Variants in FRMD5 observed in about 807,000 individuals in gnomAD.
FRMD5 encodes FERM domain containing 5.
In FRMD5, 20 loss-of-function variants were observed where a neutral mutation model predicts 69.0. The observed-to-expected ratio is 0.29, with a 90% CI of 0.20 to 0.42. FRMD5 has a LOEUF of 0.42. FRMD5 is among the 10% of genes least tolerant of loss of function. The pLI is 1.00. For synonymous variants in FRMD5, 271 were observed against 260.1 expected (o/e 1.04, Z -0.40); for missense variants, 595 against 708.6 (o/e 0.84, Z 1.82).
intron 1 of FRMD5, among the ~76,000 whole-genome samples, chr15:44,093,485 G>A (rs910919657): frequency 6.6e-6 from 1 of 152,034 alleles, no homozygotes; most frequent in African/African-American, 2.4e-5. Context: ...GTCAGGTGAA[G>A]AAGGGTAGAA....
intron 1 of FRMD5, among the ~76,000 whole-genome samples, chr15:44,176,885 G>A (rs2077905607): frequency 6.6e-6 from 1 of 151,136 alleles, no homozygotes; most frequent in African/African-American, 2.4e-5. Context: ...GTATACATAG[G>A]TAACTAACCT....
chr15:44,005,006 C>T (rs753942272), intron 1 of FRMD5, among the ~76,000 whole-genome samples: 14 of 152,302 alleles, frequency 9.2e-5, no homozygotes, highest in Admixed American at 2.0e-4. Flanking sequence ...TAGAAGATCA[C>T]ACAAGACACA....
At chr15:44,176,709 A>G (rs1230376265) in intron 1 of FRMD5, among the ~76,000 whole-genome samples, 1 of 152,168 alleles carries the variant, frequency 6.6e-6, no homozygotes, top group Non-Finnish European at 1.5e-5. Flanking sequence ...CAATTTTTAA[A>G]TGGCCAAAGA....
chr15:43,935,981 T>C (rs1364005817), intron 1 of FRMD5, among the ~76,000 whole-genome samples: 1 of 152,204 alleles, frequency 6.6e-6, no homozygotes, highest in African/African-American at 2.4e-5. Context: ...TAGACATACC[T>C]GAAAAAGTGA....
At chr15:44,077,804 T>G (rs576528805) in intron 1 of FRMD5, among the ~76,000 whole-genome samples, 93 of 152,156 alleles carry the variant, frequency 6.1e-4, no homozygotes, top group Admixed American at 1.8e-3. Context: ...AAAAAACAAT[T>G]ATCAAACATC....
intron 1 of FRMD5, among the ~76,000 whole-genome samples, chr15:44,091,404 C>T (rs2140484022): frequency 6.6e-6 from 1 of 152,194 alleles, no homozygotes; most frequent in African/African-American, 2.4e-5. Flanking sequence ...TTTCTTCAAC[C>T]AGGTTAATAA....
intron 1 of FRMD5, among the ~76,000 whole-genome samples, chr15:44,028,938 T>C (rs10518994): frequency 0.82 from 125,292 of 152,184 alleles, 54,447 homozygotes; most frequent in Non-Finnish European, 0.95. Context: ...TGTAAAGACA[T>C]TGACAAAGAA....
intron 1 of FRMD5, among the ~76,000 whole-genome samples, chr15:44,186,470 T>C (rs1351427946): frequency 6.6e-6 from 1 of 152,076 alleles, no homozygotes; most frequent in Admixed American, 6.6e-5. Context: ...GACTAAGGAG[T>C]GCCTGGATGG....
At chr15:43,964,421 C>T (rs1353978219) in intron 1 of FRMD5, among the ~76,000 whole-genome samples, 2 of 150,662 alleles carry the variant, frequency 1.3e-5, no homozygotes, top group Non-Finnish European at 2.9e-5. Context: ...AATCCCAGCC[C>T]TTTGAGCCAT....
chr15:44,060,408 A>C (rs1893044339), intron 1 of FRMD5, among the ~76,000 whole-genome samples: 2 of 152,176 alleles, frequency 1.3e-5, no homozygotes, highest in South Asian at 4.2e-4. Flanking sequence ...TGACAAATTA[A>C]ATCATTCAGC....
chr15:43,892,623 A>C (rs576165676), intron 7 of FRMD5, among the ~76,000 whole-genome samples: 27 of 152,226 alleles, frequency 1.8e-4, no homozygotes, highest in Non-Finnish European at 3.7e-4. Flanking sequence ...TAAATGAATA[A>C]ACAAGTAGTA....
chr15:44,079,272 A>G (rs1360318880), intron 1 of FRMD5, among the ~76,000 whole-genome samples: 2 of 152,174 alleles, frequency 1.3e-5, no homozygotes, highest in East Asian at 1.9e-4. Context: ...AAACAAGGTA[A>G]CAAATGTTGT....
intron 1 of FRMD5, among the ~76,000 whole-genome samples, chr15:44,040,879 TAA>T (rs1262515608): frequency 6.6e-6 from 1 of 150,872 alleles, no homozygotes; most frequent in Non-Finnish European, 1.5e-5. Context: ...GCAAATTGGA[TAA>T]AGAGTCAAGA....
At chr15:44,126,962 T>C (rs1168691629) in intron 1 of FRMD5, among the ~76,000 whole-genome samples, 1 of 152,244 alleles carries the variant, frequency 6.6e-6, no homozygotes, top group East Asian at 1.9e-4. Flanking sequence ...CTATAAATAC[T>C]TTTTTAAGTA....
At chr15:43,942,312 A>C (rs2089876319) in intron 1 of FRMD5, among the ~76,000 whole-genome samples, 1 of 152,240 alleles carries the variant, frequency 6.6e-6, no homozygotes, top group African/African-American at 2.4e-5. Context: ...AGAGTCCCTC[A>C]GACATCTGCC....
intron 1 of FRMD5, among the ~76,000 whole-genome samples, chr15:44,083,230 GGAA>G (rs961627882): frequency 6.6e-6 from 1 of 151,940 alleles, no homozygotes; most frequent in African/African-American, 2.4e-5. Flanking sequence ...TGGTATGCTA[GGAA>G]GAAGATGAAG....
intron 1 of FRMD5, among the ~76,000 whole-genome samples, chr15:44,081,573 C>T (rs1345115840): frequency 2.0e-5 from 3 of 152,004 alleles, no homozygotes; most frequent in Non-Finnish European, 2.9e-5. Flanking sequence ...TTATATTTCA[C>T]GTTTACTGAG....
At chr15:43,999,915 G>GTGTA (rs543527284) in intron 1 of FRMD5, among the ~76,000 whole-genome samples, 204 of 6,766 alleles carry the variant, frequency 0.03, 5 homozygotes, top group African/African-American at 0.042. Context: ...ATATTTGTGT[G>GTGTA]TGTGTATGTA....
intron 1 of FRMD5, among the ~76,000 whole-genome samples, chr15:43,947,616 G>T (rs1014510636): frequency 6.6e-6 from 1 of 152,186 alleles, no homozygotes; most frequent in Admixed American, 6.5e-5. Flanking sequence ...GAGAGGGCAA[G>T]GGGATGAATG....
Sources: gnomAD v4.1 joint callset for allele counts (sites outside exome capture counted in the v4.1 genomes callset) on GRCh38, gnomAD v4.1.1 for gene constraint, MANE v1.5 for transcripts, NCBI Gene and HGNC (gene_info 2026-07-23, HGNC 2026-07-21) for gene names.